Variants in LDLRAD1 observed in about 807,000 individuals in gnomAD.
LDLRAD1 encodes the protein low-density lipoprotein receptor class A domain-containing protein 1.
In LDLRAD1, 17 loss-of-function variants were observed where a neutral mutation model predicts 24.8. The observed-to-expected ratio is 0.69, with a 90% CI of 0.47 to 1.03. The LOEUF is 1.03. Among genes scored for constraint, LDLRAD1 ranks in the 50% least tolerant of loss-of-function variants. The probability of loss-of-function intolerance (pLI) is 0.00; values close to 1 mark genes in which losing one functional copy is unlikely to be tolerated. For synonymous variants in LDLRAD1, 103 were observed against 108.2 expected (o/e 0.95, Z 0.30); for missense variants, 277 against 271.0 (o/e 1.02, Z -0.16).
At chr1:54,012,360 G>A in intron 3 of LDLRAD1, 80 bp from the exon 4 acceptor site, 1 of 1,496,282 alleles carries the variant, frequency 6.7e-7, no homozygotes, top group Non-Finnish European at 9.2e-7. Context: ...ACTCCGCCTA[G>A]AGCTGGCCTG....
chr1:54,016,186 A>G (rs891665049), intron 2 of LDLRAD1, among the ~76,000 whole-genome samples: 1 of 152,132 alleles, frequency 6.6e-6, no homozygotes, highest in Non-Finnish European at 1.5e-5. Context: ...GTGGGGGAGC[A>G]CAAATGGCCT....
At chr1:54,009,663 G>T (rs1655965094) in intron 5 of LDLRAD1, among the ~76,000 whole-genome samples, 1 of 152,164 alleles carries the variant, frequency 6.6e-6, no homozygotes, top group Non-Finnish European at 1.5e-5. Flanking sequence ...GAGTCCTGGG[G>T]GTAGGACACA....
chr1:54,015,837 G>A (rs1177746887), intron 2 of LDLRAD1, among the ~76,000 whole-genome samples: 1 of 151,930 alleles, frequency 6.6e-6, no homozygotes, highest in Non-Finnish European at 1.5e-5. Flanking sequence ...TGTATTTTTA[G>A]TAGAGACGGG....
intron 2 of LDLRAD1, among the ~76,000 whole-genome samples, chr1:54,015,644 TG>T (rs1474516288): frequency 1.6e-5 from 2 of 126,464 alleles, no homozygotes. Context: ...TGGGGGCTTT[TG>T]TTTTTTTTGT....
Position 54,018,156 on chromosome 1 carries a change from C to T in LDLRAD1, c.-44G>A, listed in dbSNP as rs1656395248. 1.2e-6 allele frequency: 2 copies of T among 1,611,880 alleles called. No individual in the cohort carries two copies. Among genetic ancestry groups the T allele is most frequent in the Non-Finnish European group, 1.7e-6 (2 of 1,178,896 alleles). The stretch of plus-strand genomic sequence containing the variant: ...CCCGACTGGGGCTGTGTGCAGAGAG[C>T]TCAGCACGGGTTCCCTGCATTGTCA... On this transcript the variant is annotated 5_prime_UTR_variant, in exon 1 of 6. Transcript: ENST00000371360.
At chr1:54,010,487 AC>A in intron 4 of LDLRAD1, 77 bp from the exon 5 acceptor site, 3 of 1,515,722 alleles carry the variant, frequency 2.0e-6, no homozygotes, top group Non-Finnish European at 2.7e-6. Flanking sequence ...AGGAGGATTG[AC>A]CACCCTGGCA....
intron 2 of LDLRAD1, 26 bp from the exon 3 acceptor site, chr1:54,014,390 G>T: frequency 6.5e-7 from 1 of 1,543,242 alleles, no homozygotes; most frequent in Non-Finnish European, 8.7e-7. Flanking sequence ...ACAAGCCCGG[G>T]GGTGGTGGTG....
intron 4 of LDLRAD1, among the ~76,000 whole-genome samples, chr1:54,011,941 G>GC (rs1274907603): frequency 2.0e-5 from 3 of 152,170 alleles, no homozygotes; most frequent in African/African-American, 7.2e-5. Flanking sequence ...GAGTGGAGAC[G>GC]CACAGGGTGA....
rs1326795294 is a variant in LDLRAD1, at chr1:54,007,636, G to A, written c.*1346C>T. ...TTTTTCCTATTTTTTGTAGAGACAG[G>A]TTCTCCCTATGTTGCCCAGGCTGGT... On this transcript the variant is annotated 3_prime_UTR_variant, in exon 6 of 6. Coordinates refer to ENST00000371360, the MANE Select transcript of LDLRAD1 (RefSeq NM_001010978.4). 1 of 152,214 alleles carries A rather than the reference G, an allele frequency of 6.6e-6. No individual in the cohort carries two copies. Among genetic ancestry groups the A allele is most frequent in the Non-Finnish European group, 1.5e-5 (1 of 68,168 alleles). 9.4% of individuals were successfully genotyped at this position (152,214 alleles called of 1,614,324 possible).
intron 1 of LDLRAD1, among the ~76,000 whole-genome samples, 159 bp from the exon 2 acceptor site, chr1:54,017,586 C>T (rs780330765): frequency 2.0e-5 from 3 of 152,140 alleles, no homozygotes; most frequent in African/African-American, 4.8e-5. Flanking sequence ...GCATCATGCC[C>T]GCTTCATATG....
At chr1:54,015,672 T>C (rs1273225642) in intron 2 of LDLRAD1, among the ~76,000 whole-genome samples, 4 of 151,496 alleles carry the variant, frequency 2.6e-5, no homozygotes, top group African/African-American at 4.8e-5. Flanking sequence ...TGTTTTTTTT[T>C]TGAGGCGGAG....
chr1:54,016,809 G>A (rs1656328133), intron 2 of LDLRAD1, among the ~76,000 whole-genome samples: 1 of 152,342 alleles, frequency 6.6e-6, no homozygotes, highest in Non-Finnish European at 1.5e-5. Context: ...GCAGTGCCAG[G>A]CACCTAACTG....
intron 2 of LDLRAD1, 101 bp downstream of exon 2, chr1:54,017,275 G>A (rs1388559887): frequency 2.2e-6 from 2 of 921,552 alleles, no homozygotes; most frequent in African/African-American, 1.7e-5. Context: ...AGAGGTCTGA[G>A]GGACAGTGGG....
At chr1:54,013,301 C>A (rs1569893511) in intron 3 of LDLRAD1, among the ~76,000 whole-genome samples, 1 of 152,116 alleles carries the variant, frequency 6.6e-6, no homozygotes, top group Non-Finnish European at 1.5e-5. Flanking sequence ...TGCAGCTGCT[C>A]ATGTATTCAT....
intron 2 of LDLRAD1, 95 bp from the exon 3 acceptor site, chr1:54,014,459 C>T: frequency 8.2e-7 from 1 of 1,224,060 alleles, no homozygotes. Context: ...CTGCAAGCAG[C>T]CTCTCCCCCA....
chr1:54,013,758 C>T lies in LDLRAD1; in HGVS notation c.202+478G>A, dbSNP rs188074862. On this transcript the variant is annotated intron_variant, in intron 3 of 5. Transcript: ENST00000371360. ...GCTGTAATGTGTATTCACGTCTAGA[C>T]GGCTCTCGGAACAGTTATTAGCTCC... Among the ~76,000 whole-genome samples the T allele has an allele frequency of 1.2e-4, 19 of 152,296 alleles. No homozygotes were observed. The East Asian group carries it at 3.3e-3, about 26-fold the overall frequency.
At chr1:54,017,599 C>A (rs1656364446) in intron 1 of LDLRAD1, among the ~76,000 whole-genome samples, 172 bp from the exon 2 acceptor site, 1 of 152,158 alleles carries the variant, frequency 6.6e-6, no homozygotes, top group Non-Finnish European at 1.5e-5. Flanking sequence ...TTCATATGTC[C>A]ACACCTTTGC....
chr1:54,010,249 C>A, intron 5 of LDLRAD1, 33 bp downstream of exon 5: 1 of 1,611,600 alleles, frequency 6.2e-7, no homozygotes, highest in Non-Finnish European at 8.5e-7. Flanking sequence ...GCCTGGACAC[C>A]AGCCCCAGCC....
chr1:54,008,874 C>CTCAGTGGAAG lies in LDLRAD1; in HGVS notation c.*107_*108insCTTCCACTGA. On this transcript the variant is annotated 3_prime_UTR_variant, in exon 6 of 6. Transcript: ENST00000371360. ...TCCTATTCAGAAATGATGTGTAGAT[C>CTCAGTGGAAG]CCATTTCAAAGGCTGCTTCCTGCCC... 1.0e-6 allele frequency: 1 copy of CTCAGTGGAAG among 992,510 alleles called. No individual in the cohort carries two copies. The highest frequency in any genetic ancestry group is 1.5e-6 in the Non-Finnish European group (1 of 665,244). The allele number at this position is 992,510 out of a possible 1,614,324, so 61.5% of individuals were successfully genotyped here. A position where few individuals can be genotyped will look rare whatever the true frequency, so the allele number is the denominator to read the frequency against.
Sources: gnomAD v4.1 joint callset for allele counts (sites outside exome capture counted in the v4.1 genomes callset) on GRCh38, gnomAD v4.1.1 for gene constraint, MANE v1.5 for transcripts, NCBI Gene and HGNC (gene_info 2026-07-23, HGNC 2026-07-21) for gene names.